CASP1: variants seen among roughly 807,000 people sequenced by gnomAD.
CASP1 encodes the protein caspase 1.
A neutral mutation model predicts 41.2 loss-of-function variants in CASP1; 31 were observed. That is an observed-to-expected ratio of 0.75 (90% confidence interval 0.57 to 1.02). The LOEUF is 1.02. CASP1 is among the 50% of genes least tolerant of loss of function. The probability of loss-of-function intolerance (pLI) is 0.00; values close to 1 mark genes in which losing one functional copy is unlikely to be tolerated. For synonymous variants in CASP1, 163 were observed against 166.5 expected (o/e 0.98, Z 0.16); for missense variants, 490 against 495.7 (o/e 0.99, Z 0.11).
In CASP1 at chr11:105,031,198, T is replaced by G; in HGVS notation, c.420A>C (p.Glu140Asp). 6.2e-7 allele frequency: 1 copy of G among 1,612,434 alleles called. No individual in the cohort carries two copies. The highest frequency in any genetic ancestry group is 8.5e-7 in the Non-Finnish European group (1 of 1,178,790). Residue 140 changes from glutamate (E) to aspartate (D), a missense_variant, in exon 4 of 9, where the codon GAA becomes GAC. Glu to Asp is a conservative substitution (Grantham distance 45). Coordinates refer to ENST00000533400, the MANE Select transcript of CASP1 (RefSeq NM_001257118.3). Reference protein sequence around the residue: ...EGNVKLCSLEEAQRIWKQKSA... With the variant: ...EGNVKLCSLEDAQRIWKQKSA... ...ACTTTTGTTTCCATATCCTTTGAGC[T>G]TCTTCTAGGGAGCAAAGCTTGACAT...
chr11:105,025,687 G>A lies in CASP1; in HGVS notation c.*571C>T. 1 of 365,104 alleles carries A rather than the reference G, an allele frequency of 2.7e-6. No individual in the cohort carries two copies. Among genetic ancestry groups the A allele is most frequent in the South Asian group, 2.1e-5 (1 of 47,382 alleles). The allele number at this position is 365,104 out of a possible 1,614,324, so 22.6% of individuals were successfully genotyped here. ...AAGTTATAAAGTTATACCACCAATGGGAACATACACAATTTTAAAAGGAAA... is the reference window on the plus strand; with the variant it reads ...AAGTTATAAAGTTATACCACCAATGAGAACATACACAATTTTAAAAGGAAA... On this transcript the variant is annotated 3_prime_UTR_variant, in exon 9 of 9. Coordinates refer to ENST00000533400, the MANE Select transcript of CASP1 (RefSeq NM_001257118.3).
At chr11:105,035,426 G>A (rs1322596286), upstream of CASP1, among the ~76,000 whole-genome samples, 2 of 152,026 alleles carry the variant, frequency 1.3e-5, no homozygotes, top group Non-Finnish European at 2.9e-5. Context: ...AAAGCTTGAC[G>A]GAGAAAAGTA....
At chr11:105,033,785 G>T (rs1863842413) in intron 2 of CASP1, 2 of 424,670 alleles carry the variant, frequency 4.7e-6, no homozygotes, top group Non-Finnish European at 9.2e-6. Flanking sequence ...AAATTTTGGA[G>T]AAAAGTTATA....
chr11:105,029,063 G>A (rs2134823390), intron 7 of CASP1, 61 bp downstream of exon 7: 1 of 1,509,172 alleles, frequency 6.6e-7, no homozygotes, highest in Non-Finnish European at 9.1e-7. Context: ...CCTCTAGTGG[G>A]TTATTGTCAC....
At chr11:105,027,675 G>A (rs531542) in intron 7 of CASP1, among the ~76,000 whole-genome samples, 23,177 of 151,962 alleles carry the variant, frequency 0.15, 2,025 homozygotes, top group Admixed American at 0.25. Context: ...AGTATATATT[G>A]ATAATAAAAT....
intron 7 of CASP1, among the ~76,000 whole-genome samples, chr11:105,027,644 A>G (rs1278383316): frequency 6.6e-6 from 1 of 152,090 alleles, no homozygotes; most frequent in Non-Finnish European, 1.5e-5. Context: ...GACACATTTT[A>G]GCCAGTTCTA....
intron 2 of CASP1, among the ~76,000 whole-genome samples, chr11:105,033,360 C>T (rs912641526): frequency 6.6e-6 from 1 of 152,190 alleles, no homozygotes; most frequent in Non-Finnish European, 1.5e-5. Context: ...GAAACATCTG[C>T]AATGTCTGCT....
chr11:105,027,862 G>A (rs1863418438), intron 7 of CASP1, among the ~76,000 whole-genome samples: 2 of 152,036 alleles, frequency 1.3e-5, no homozygotes, highest in African/African-American at 4.8e-5. Context: ...GTTGGGATTG[G>A]CACAGCAGAA....
intron 5 of CASP1, 104 bp downstream of exon 5, chr11:105,030,223 TTAG>T: frequency 1.0e-6 from 1 of 984,002 alleles, no homozygotes; most frequent in Non-Finnish European, 1.5e-6. Context: ...AGTTTGTATT[TTAG>T]ATTATCAAGA....
At chr11:105,026,483 CA>C in intron 8 of CASP1, 127 bp from the exon 9 acceptor site, 1 of 645,986 alleles carries the variant, frequency 1.5e-6, no homozygotes, top group Non-Finnish European at 2.7e-6. Flanking sequence ...AAAGTACTTC[CA>C]TCTGCAACAA....
At chr11:105,033,225 C>CACTGACTG in intron 2 of CASP1, 99 bp from the exon 3 acceptor site, 1 of 649,130 alleles carries the variant, frequency 1.5e-6, no homozygotes, top group Non-Finnish European at 2.7e-6. Context: ...TCTCCCATAA[C>CACTGACTG]ACTGACTGAC....
chr11:105,030,693 G>A (rs1863637286), intron 4 of CASP1, 190 bp from the exon 5 acceptor site: 2 of 504,836 alleles, frequency 4.0e-6, no homozygotes, highest in South Asian at 6.8e-5. Context: ...TGCCCAGATG[G>A]CAGCTGAGCT....
Position 105,029,217 on chromosome 11 carries a change from G to T in CASP1, c.913C>A (p.Leu305Ile). 6 of 1,613,150 alleles carry T rather than the reference G, an allele frequency of 3.7e-6. No individual in the cohort carries two copies. Among genetic ancestry groups the T allele is most frequent in the Non-Finnish European group, 5.1e-6 (6 of 1,179,434 alleles). ...FKDSVGVSGNLSLPTTEEFED... is the reference protein window; with the variant it reads ...FKDSVGVSGNISLPTTEEFED... The stretch of plus-strand genomic sequence containing the variant: ...AACTCTTCTGTAGTTGGTAAAGATA[G>T]GTTTCCAGAAACTCCTACTGAATCT... The change falls in exon 7 of 9, where the codon CTA becomes ATA. Residue 305 changes from leucine to isoleucine, a missense_variant. Coordinates refer to ENST00000533400, the MANE Select transcript of CASP1 (RefSeq NM_001257118.3).
intron 2 of CASP1, among the ~76,000 whole-genome samples, chr11:105,033,334 C>T (rs1274633826): frequency 6.6e-6 from 1 of 152,166 alleles, no homozygotes; most frequent in Non-Finnish European, 1.5e-5. Flanking sequence ...GTGTTTATTA[C>T]ACATAGATGA....
rs766257736 is a variant in CASP1, at chr11:105,025,634, A to G, written c.*624T>C. The G allele has an allele frequency of 7.9e-5, 31 of 390,310 alleles. No homozygotes were observed. The highest frequency in any genetic ancestry group is 1.2e-4 in the Non-Finnish European group (25 of 203,170). 24.2% of individuals were successfully genotyped at this position (390,310 alleles called of 1,614,324 possible). A position where few individuals can be genotyped will look rare whatever the true frequency, so the allele number is the denominator to read the frequency against. On this transcript the variant is annotated 3_prime_UTR_variant, in exon 9 of 9. Coordinates refer to ENST00000533400, the MANE Select transcript of CASP1 (RefSeq NM_001257118.3). The stretch of plus-strand genomic sequence containing the variant: ...AAAAGAAATAATTAAAAAAAAAAAC[A>G]TAGGAAAGAATTTTGTTAAAGACAT...
chr11:105,035,268 G>T (rs921311602), upstream of CASP1: 15 of 1,025,182 alleles, frequency 1.5e-5, no homozygotes, highest in Non-Finnish European at 2.2e-5. Context: ...ACTGTAGCCT[G>T]CATCAGGTAG....
At chr11:105,029,355 G>T in intron 6 of CASP1, 88 bp from the exon 7 acceptor site, 1 of 1,121,202 alleles carries the variant, frequency 8.9e-7, no homozygotes, top group Non-Finnish European at 1.3e-6. Flanking sequence ...ATTTATTAAT[G>T]TGTTTGCTCT....
At chr11:105,033,228 T>TG (rs1417980315) in intron 2 of CASP1, 102 bp from the exon 3 acceptor site, 1 of 609,272 alleles carries the variant, frequency 1.6e-6, no homozygotes, top group Non-Finnish European at 2.9e-6. Context: ...CCCATAACAC[T>TG]GACTGACTGA....
In CASP1 at chr11:105,025,870, A is replaced by G. The variant is rs1025569493; in HGVS notation, c.*388T>C. ...TTGGGAGAAGAGCAACGTGCTCTGC[A>G]CTGACCAGAAGAAAGGCATTACTTC... is the stretch of plus-strand genomic sequence containing the variant. On this transcript the variant is annotated 3_prime_UTR_variant, in exon 9 of 9. Transcript: ENST00000533400. The G allele has an allele frequency of 1.3e-5, 3 of 237,010 alleles. No homozygotes were observed. The highest frequency in any genetic ancestry group is 1.7e-5 in the Non-Finnish European group (2 of 118,354). The allele number at this position is 237,010 out of a possible 1,614,324, so 14.7% of individuals were successfully genotyped here.
Sources: gnomAD v4.1 joint callset for allele counts (sites outside exome capture counted in the v4.1 genomes callset) on GRCh38, gnomAD v4.1.1 for gene constraint, MANE v1.5 for transcripts, NCBI Gene and HGNC (gene_info 2026-07-23, HGNC 2026-07-21) for gene names.